The following AMZ2 variants were observed in gnomAD, a reference collection of about 807,000 sequenced individuals.
AMZ2 encodes the protein archaemetzincin-2.
A neutral mutation model predicts 36.7 loss-of-function variants in AMZ2; 26 were observed. The ratio of observed to expected loss-of-function variants is 0.71; its 90% CI spans 0.52 to 0.98. The LOEUF is 0.98. Ranked by LOEUF, AMZ2 falls within the 50% of genes least tolerant of loss-of-function variation. The probability of loss-of-function intolerance (pLI) is 0.00; values close to 1 mark genes in which losing one functional copy is unlikely to be tolerated. For synonymous variants in AMZ2, 144 were observed against 149.1 expected, an observed-to-expected ratio of 0.97 and a Z score of 0.25; for missense variants, 394 against 430.5, an observed-to-expected ratio of 0.92 and a Z score of 0.75.
intron 1 of AMZ2, among the ~76,000 whole-genome samples, chr17:68,229,202 G>C (rs2073598231): frequency 6.6e-6 from 1 of 152,204 alleles, no homozygotes; most frequent in Non-Finnish European, 1.5e-5. Flanking sequence ...TTGTGCAGTA[G>C]AGGTAGCCCT....
Position 68,235,707 on chromosome 17 carries a change from G to T in AMZ2, c.-66-12933G>T, listed in dbSNP as rs1425724578. Among the ~76,000 whole-genome samples, 3 of 152,340 alleles carry T rather than the reference G, an allele frequency of 2.0e-5. No homozygotes were observed. The highest frequency in any genetic ancestry group is 4.4e-5 in the Non-Finnish European group (3 of 68,036). On this transcript the variant is annotated intron_variant, in intron 1 of 7. Coordinates refer to the AMZ2 transcript ENST00000674770. This position sits in a 1 kb window ranked among gnomAD's most constrained non-coding sequence, Gnocchi z 4.2. Reference sequence around the variant, plus strand: ...GGACAGAACACTGGTGCTATCAGGTGCCAGGAGCAGCGTGTGCCACGTGTG... The same window carrying T: ...GGACAGAACACTGGTGCTATCAGGTTCCAGGAGCAGCGTGTGCCACGTGTG...
chr17:68,212,806 A>T (rs2073101649), intron 1 of AMZ2, among the ~76,000 whole-genome samples: 2 of 152,040 alleles, frequency 1.3e-5, no homozygotes, highest in South Asian at 4.1e-4. Context: ...GGGTTCAAGC[A>T]ATCCACCGAC....
chr17:68,247,777 G>T, upstream of AMZ2: 2 of 985,568 alleles, frequency 2.0e-6, no homozygotes, highest in South Asian at 9.4e-5. Flanking sequence ...CTCGAGAACC[G>T]GGCCGCGGAG....
chr17:68,211,792 A>ATATG (rs1568340182), intron 1 of AMZ2, among the ~76,000 whole-genome samples: 2,213 of 88,636 alleles, frequency 0.025, 139 homozygotes, highest in African/African-American at 0.051. Context: ...ATGTATATGT[A>ATATG]TATATGTGTA....
At position 68,215,547 on chromosome 17, in the gene AMZ2, C is replaced by G. The variant is rs547557629; in HGVS notation, c.-67+9309C>G. On this transcript the variant is annotated intron_variant, in intron 1 of 7. Transcript: ENST00000674770. ...CCAGCCTGGGTGATGGAGTGAGACT[C>G]TGTCTGTCTCCAAAAAAAAAAGTTT... Among the ~76,000 whole-genome samples the G allele has an allele frequency of 2.6e-4, 33 of 128,244 alleles. 1 individual carries two copies. The highest frequency in any genetic ancestry group is 9.4e-4 in the African/African-American group (33 of 35,154). 84.1% of individuals were successfully genotyped at this position (128,244 alleles called of 152,430 possible).
chr17:68,249,870 C>T (rs2074314460), intron 1 of AMZ2: 1 of 317,186 alleles, frequency 3.2e-6, no homozygotes, highest in South Asian at 3.2e-5. Context: ...TGTTCTCAAA[C>T]TCCTGGCCTC....
chr17:68,207,906 G>C (rs2072890926), intron 1 of AMZ2, among the ~76,000 whole-genome samples: 1 of 152,128 alleles, frequency 6.6e-6, no homozygotes, highest in Admixed American at 6.5e-5. Flanking sequence ...TTGCGGGCCA[G>C]CGTGAGTTCC....
intron 1 of AMZ2, among the ~76,000 whole-genome samples, chr17:68,227,248 G>A (rs2144578897): frequency 6.6e-6 from 1 of 152,268 alleles, no homozygotes; most frequent in East Asian, 1.9e-4. Context: ...TCGACACCTG[G>A]TTTTCCTCCT....
intron 1 of AMZ2, among the ~76,000 whole-genome samples, chr17:68,209,625 TATA>T (rs1568337605): frequency 2.7e-5 from 3 of 110,066 alleles, no homozygotes; most frequent in African/African-American, 7.6e-5. Flanking sequence ...TATATATATA[TATA>T]TATATTTTTT....
chr17:68,233,527 AAGAG>A (rs1327341540), intron 1 of AMZ2, among the ~76,000 whole-genome samples: 64 of 107,142 alleles, frequency 6.0e-4, no homozygotes, highest in African/African-American at 1.5e-3. Flanking sequence ...AAAAAAAAAA[AAGAG>A]AGAAATTGTC....
intron 1 of AMZ2, among the ~76,000 whole-genome samples, chr17:68,228,320 G>A (rs1599329886): frequency 6.6e-6 from 1 of 152,252 alleles, no homozygotes; most frequent in Non-Finnish European, 1.5e-5. Flanking sequence ...CTTCTCATCT[G>A]ACTCCTCTGA....
At chr17:68,238,603 A>ACACAC (rs1555733378) in intron 1 of AMZ2, among the ~76,000 whole-genome samples, 3 of 151,840 alleles carry the variant, frequency 2.0e-5, no homozygotes, top group African/African-American at 7.3e-5. Flanking sequence ...ACACACACAC[A>ACACAC]ATCAGATTGT....
At chr17:68,214,501 C>T (rs1259340108) in intron 1 of AMZ2, among the ~76,000 whole-genome samples, 3 of 152,134 alleles carry the variant, frequency 2.0e-5, no homozygotes, top group African/African-American at 7.2e-5. Flanking sequence ...GTGGTTTCTC[C>T]CAGTCCAGGG....
At chr17:68,213,157 T>A (rs1036409979) in intron 1 of AMZ2, among the ~76,000 whole-genome samples, 6 of 152,296 alleles carry the variant, frequency 3.9e-5, no homozygotes, top group South Asian at 2.1e-4. Context: ...CCAGCCGGCT[T>A]ACCTGGTGAA....
At chr17:68,216,353 C>A (rs139698350) in intron 1 of AMZ2, among the ~76,000 whole-genome samples, 3 of 152,122 alleles carry the variant, frequency 2.0e-5, no homozygotes, top group Admixed American at 6.6e-5. Context: ...AGGCTGGTCT[C>A]GAACTCCTGG....
chr17:68,242,871 CT>C (rs2144652631), intron 1 of AMZ2, among the ~76,000 whole-genome samples: 1 of 150,208 alleles, frequency 6.7e-6, no homozygotes, highest in Non-Finnish European at 1.5e-5. Flanking sequence ...GTGAAACCCC[CT>C]CTCTACAAAA....
rs1421288741 is a variant in AMZ2, at chr17:68,248,519, C to T, written c.-187C>T. 8 of 986,006 alleles carry T rather than the reference C, an allele frequency of 8.1e-6. No individual in the cohort carries two copies. The highest frequency in any genetic ancestry group is 5.2e-5 in the African/African-American group (3 of 57,252). The allele number at this position is 986,006 out of a possible 1,614,324, so 61.1% of individuals were successfully genotyped here. A position where few individuals can be genotyped will look rare whatever the true frequency, so the allele number is the denominator to read the frequency against. ...ACTGCAGTGACCGAATTCTGCGCCCCCTGCCCATCTTCTCCCGCAGCTTCC... is the reference window on the plus strand; with the variant it reads ...ACTGCAGTGACCGAATTCTGCGCCCTCTGCCCATCTTCTCCCGCAGCTTCC... On this transcript the variant is annotated 5_prime_UTR_variant, in exon 1 of 7. Transcript: ENST00000359904.
chr17:68,223,594 C>T (rs1379792848), intron 1 of AMZ2, among the ~76,000 whole-genome samples: 1 of 152,106 alleles, frequency 6.6e-6, no homozygotes, highest in African/African-American at 2.4e-5. Flanking sequence ...GGCTGGAGTG[C>T]AGTGGCACGA....
chr17:68,244,805 G>A (rs1555734858), upstream of AMZ2, among the ~76,000 whole-genome samples: 1 of 152,124 alleles, frequency 6.6e-6, no homozygotes. Flanking sequence ...AAATTAGCAG[G>A]TAAGAAAAAA....
Sources: allele counts gnomAD v4.1 joint callset (sites outside exome capture counted in the v4.1 genomes callset), GRCh38; gene constraint gnomAD v4.1.1; non-coding constraint Gnocchi (gnomAD v3.1); transcripts MANE v1.5; gene names NCBI Gene and HGNC (gene_info 2026-07-23, HGNC 2026-07-21).